Variants in EIF2S1 observed in about 807,000 individuals in gnomAD.
EIF2S1 encodes eukaryotic translation initiation factor 2 subunit alpha.
EIF2S1 carries 5 observed loss-of-function variants against 33.5 expected under a neutral mutation model. That is an observed-to-expected ratio of 0.15 (90% CI 0.08 to 0.31). The LOEUF is 0.31. EIF2S1 is among the 10% of genes least tolerant of loss of function. EIF2S1 has a pLI of 1.00. For missense variants in EIF2S1, 191 were observed against 384.6 expected, an observed-to-expected ratio of 0.50 and a Z score of 4.21; for synonymous variants, 99 against 127.5, an observed-to-expected ratio of 0.78 and a Z score of 1.51.
intron 2 of EIF2S1, among the ~76,000 whole-genome samples, chr14:67,372,146 TTA>T (rs1566613147): frequency 6.6e-6 from 1 of 152,136 alleles, no homozygotes. Flanking sequence ...ATTAAAAAAT[TTA>T]TGTGTGCTTT....
At chr14:67,369,707 AATAATTCAT>A (rs1445446743) in intron 2 of EIF2S1, among the ~76,000 whole-genome samples, 1 of 152,220 alleles carries the variant, frequency 6.6e-6, no homozygotes, top group Non-Finnish European at 1.5e-5. Context: ...AGCCCTTCCA[AATAATTCAT>A]ATATTAAAGC....
In EIF2S1 at chr14:67,384,830, G is replaced by T. The variant is rs1461032854; in HGVS notation, c.*1390G>T. The T allele has an allele frequency of 6.6e-6, 1 of 152,200 alleles. No homozygotes were observed. Among genetic ancestry groups the T allele is most frequent in the Non-Finnish European group, 1.5e-5 (1 of 68,040 alleles). The allele number at this position is 152,200 out of a possible 1,614,324, so 9.4% of individuals were successfully genotyped here. ...CAGCATTCCATATTGGGAATATGTAGAGGAGAACCTGGATGTACTTAAGAG... is the reference window on the plus strand; with the variant it reads ...CAGCATTCCATATTGGGAATATGTATAGGAGAACCTGGATGTACTTAAGAG... On this transcript the variant is annotated 3_prime_UTR_variant, in exon 8 of 8. Transcript: ENST00000256383.
Position 67,364,986 on chromosome 14 carries a change from C to A in EIF2S1, c.219C>A (p.Val73=). ...TTGGCAGGAATGAGTGTGTGGTTGT[C>A]ATTAGGGTGGACAAAGAAAAAGGTA... ...IRIGRNECVV[V]IRVDKEKGYI... Residue 73 remains valine (V), a synonymous_variant, in exon 2 of 8, where the codon GTC becomes GTA. Transcript: ENST00000256383. The A allele has an allele frequency of 6.2e-7, 1 of 1,606,970 alleles. No individual in the cohort carries two copies. The highest frequency in any genetic ancestry group is 1.1e-5 in the South Asian group (1 of 89,760).
At chr14:67,369,415 T>G (rs2085804039) in intron 2 of EIF2S1, among the ~76,000 whole-genome samples, 1 of 152,200 alleles carries the variant, frequency 6.6e-6, no homozygotes, top group Non-Finnish European at 1.5e-5. Context: ...TAATCATAGT[T>G]GGAAGTTTGA....
intron 2 of EIF2S1, among the ~76,000 whole-genome samples, chr14:67,365,619 T>C (rs1372611361): frequency 6.6e-6 from 1 of 152,254 alleles, no homozygotes; most frequent in Admixed American, 6.5e-5. Context: ...ATGTAAATCA[T>C]CACCTTTGTG....
chr14:67,372,081 A>G (rs1359564856), intron 2 of EIF2S1, among the ~76,000 whole-genome samples: 1 of 152,106 alleles, frequency 6.6e-6, no homozygotes, highest in Non-Finnish European at 1.5e-5. Context: ...CCTGGGCAAC[A>G]TAGCAGGACC....
At chr14:67,379,646 T>C (rs1392266110) in intron 4 of EIF2S1, among the ~76,000 whole-genome samples, 1 of 140,580 alleles carries the variant, frequency 7.1e-6, no homozygotes, top group African/African-American at 2.9e-5. Flanking sequence ...CTTTCTTTTT[T>C]TCTTTTTCTT....
chr14:67,380,125 T>C (rs1348480588), intron 4 of EIF2S1, among the ~76,000 whole-genome samples: 2 of 152,180 alleles, frequency 1.3e-5, no homozygotes, highest in Admixed American at 6.5e-5. Context: ...TCTTTTAGTC[T>C]TTATTTCATA....
At position 67,386,162 on chromosome 14, in the gene EIF2S1, A is replaced by C. The variant is rs1020882930; in HGVS notation, c.*2722A>C. ...GAACACCTATCGATATTCAAAAGGC[A>C]AAACAAAAAAACTAATTCCAGGGAC... is the stretch of plus-strand genomic sequence containing the variant. On this transcript the variant is annotated 3_prime_UTR_variant, in exon 8 of 8. Coordinates refer to ENST00000256383, the MANE Select transcript of EIF2S1 (RefSeq NM_004094.5). 6.6e-6 allele frequency: 1 copy of C among 152,660 alleles called. No homozygotes were observed. Among genetic ancestry groups the C allele is most frequent in the Non-Finnish European group, 1.5e-5 (1 of 68,044 alleles). The allele number at this position is 152,660 out of a possible 1,614,324, so 9.5% of individuals were successfully genotyped here.
chr14:67,368,097 A>C (rs1339686378), intron 2 of EIF2S1, among the ~76,000 whole-genome samples: 7 of 152,204 alleles, frequency 4.6e-5, no homozygotes, highest in Non-Finnish European at 7.3e-5. Context: ...TGTGCCATGC[A>C]GGGCCACATG....
At position 67,383,305 on chromosome 14, in the gene EIF2S1, G is replaced by A. The variant is rs1414496662; in HGVS notation, c.823-10G>A. On this transcript the variant is annotated splice_polypyrimidine_tract_variant and intron_variant, in intron 7 of 7. Transcript: ENST00000256383. ...TACTTCAGTTTGAAATTATACCTCT[G>A]CTTCCACAGCCCAAAGTGGTCACAG... is the stretch of plus-strand genomic sequence containing the variant. The A allele has an allele frequency of 6.2e-7, 1 of 1,612,386 alleles. No individual in the cohort carries two copies. Among genetic ancestry groups the A allele is most frequent in the Non-Finnish European group, 8.5e-7 (1 of 1,178,772 alleles).
chr14:67,367,697 C>T (rs577078134), intron 2 of EIF2S1, among the ~76,000 whole-genome samples: 10 of 145,660 alleles, frequency 6.9e-5, no homozygotes, highest in Admixed American at 2.1e-4. Flanking sequence ...ATTAGCTGGG[C>T]GTGGTGGTGC....
intron 2 of EIF2S1, among the ~76,000 whole-genome samples, chr14:67,371,625 A>C (rs2085822307): frequency 6.6e-6 from 1 of 152,224 alleles, no homozygotes; most frequent in Admixed American, 6.5e-5. Flanking sequence ...GCATGTTACT[A>C]TACTGATTAG....
At chr14:67,368,965 A>T (rs558665983) in intron 2 of EIF2S1, among the ~76,000 whole-genome samples, 1 of 152,360 alleles carries the variant, frequency 6.6e-6, no homozygotes, top group Non-Finnish European at 1.5e-5. Flanking sequence ...AAAAAAACAA[A>T]AACCAGAAAG....
Position 67,360,423 on chromosome 14 carries a change from G to A in EIF2S1, c.-35G>A. ...CTCTGTGATTGAAGAAGTCGGCTCT[G>A]GGCTCCAGTGCGGGAATCACACACA... On this transcript the variant is annotated 5_prime_UTR_variant, in exon 1 of 8. Transcript: ENST00000256383. 2.6e-6 allele frequency: 1 copy of A among 392,130 alleles called. No individual in the cohort carries two copies. Among genetic ancestry groups the A allele is most frequent in the Non-Finnish European group, 4.5e-6 (1 of 222,444 alleles). The allele number at this position is 392,130 out of a possible 1,614,324, so 24.3% of individuals were successfully genotyped here.
At chr14:67,372,875 A>C (rs931414921) in intron 2 of EIF2S1, among the ~76,000 whole-genome samples, 25 of 152,100 alleles carry the variant, frequency 1.6e-4, no homozygotes, top group Non-Finnish European at 1.0e-4. Flanking sequence ...CTAAACCATC[A>C]ATTTTTAAAG....
At chr14:67,371,691 A>AAAAATACAGTATTATAATCTT (rs1257235214) in intron 2 of EIF2S1, among the ~76,000 whole-genome samples, 1 of 152,208 alleles carries the variant, frequency 6.6e-6, no homozygotes, top group African/African-American at 2.4e-5. Context: ...AAGATACAGT[A>AAAAATACAGTATTATAATCTT]AAAATACAGT....
At chr14:67,374,984 A>G (rs1566614492) in intron 3 of EIF2S1, among the ~76,000 whole-genome samples, 1 of 152,216 alleles carries the variant, frequency 6.6e-6, no homozygotes, top group Non-Finnish European at 1.5e-5. Flanking sequence ...AAGAATGAAC[A>G]GGGGTTTATA....
At chr14:67,379,787 TG>T (rs1173959690) in intron 4 of EIF2S1, among the ~76,000 whole-genome samples, 1 of 147,586 alleles carries the variant, frequency 6.8e-6, no homozygotes, top group Non-Finnish European at 1.5e-5. Context: ...CCCAAATAGC[TG>T]GGACTACAGG....
Sources: allele counts gnomAD v4.1 joint callset (sites outside exome capture counted in the v4.1 genomes callset), GRCh38; gene constraint gnomAD v4.1.1; transcripts MANE v1.5; gene names NCBI Gene and HGNC (gene_info 2026-07-23, HGNC 2026-07-21).